The following SNX29 variants were observed in gnomAD, a reference collection of about 807,000 sequenced individuals.
SNX29 encodes sorting nexin 29.
Under a neutral mutation model 102.1 loss-of-function variants are expected in SNX29, and 78 were observed. That is an observed-to-expected ratio of 0.76 (90% CI 0.64 to 0.92). SNX29 has a LOEUF of 0.92. Among genes scored for constraint, SNX29 ranks in the 40% least tolerant of loss-of-function variants. SNX29 has a pLI of 0.00. For synonymous variants in SNX29, 580 were observed against 414.5 expected (o/e 1.40, Z -4.85); for missense variants, 1,280 against 1,061.7 (o/e 1.21, Z -2.86).
intron 15 of SNX29, among the ~76,000 whole-genome samples, chr16:12,288,715 G>A (rs2079690454): frequency 6.6e-6 from 1 of 151,452 alleles, no homozygotes; most frequent in Admixed American, 6.6e-5. Flanking sequence ...GAAGGTAATA[G>A]CAGTTAGTGC....
At chr16:12,208,291 T>C (rs1024732826) in intron 14 of SNX29, among the ~76,000 whole-genome samples, 1 of 152,092 alleles carries the variant, frequency 6.6e-6, no homozygotes, top group Non-Finnish European at 1.5e-5. Context: ...GAGCATTGAG[T>C]TTTGGTGGCT....
intron 16 of SNX29, among the ~76,000 whole-genome samples, chr16:12,392,025 T>C (rs2083548060): frequency 6.6e-6 from 1 of 152,228 alleles, no homozygotes; most frequent in Admixed American, 6.5e-5. Context: ...CACCCATGGC[T>C]AGCAGGTTCT....
At chr16:12,270,478 C>T (rs890990434) in intron 14 of SNX29, among the ~76,000 whole-genome samples, 1 of 152,176 alleles carries the variant, frequency 6.6e-6, no homozygotes, top group Non-Finnish European at 1.5e-5. Flanking sequence ...AAAGTAAATC[C>T]GATGTTGTGC....
At chr16:12,076,636 A>T (rs998443571) in intron 10 of SNX29, among the ~76,000 whole-genome samples, 6 of 152,170 alleles carry the variant, frequency 3.9e-5, no homozygotes, top group African/African-American at 1.4e-4. Context: ...TGGGTGACAA[A>T]GCGAGACCCT....
At chr16:12,223,416 C>T (rs1291193867) in intron 14 of SNX29, among the ~76,000 whole-genome samples, 1 of 152,120 alleles carries the variant, frequency 6.6e-6, no homozygotes, top group African/African-American at 2.4e-5. Flanking sequence ...AATCCCAGCA[C>T]TTTGGGAGGC....
intron 13 of SNX29, among the ~76,000 whole-genome samples, chr16:12,194,926 C>T (rs1348002052): frequency 6.6e-6 from 1 of 152,112 alleles, no homozygotes; most frequent in Non-Finnish European, 1.5e-5. Context: ...TGCATCTGGC[C>T]TGGGGGTATT....
intron 16 of SNX29, among the ~76,000 whole-genome samples, chr16:12,369,416 G>A (rs531736889): frequency 4.6e-5 from 7 of 152,254 alleles, no homozygotes; most frequent in East Asian, 3.9e-4. Context: ...GATTACAGGC[G>A]TGAGCCACCG....
At chr16:12,182,917 G>C (rs1271006847) in intron 13 of SNX29, among the ~76,000 whole-genome samples, 1 of 132,460 alleles carries the variant, frequency 7.5e-6, no homozygotes, top group African/African-American at 2.9e-5. Flanking sequence ...CTGGACGACA[G>C]AGCGAGACTC....
At chr16:12,461,978 A>ATAATATAT (rs869301507) in intron 18 of SNX29, among the ~76,000 whole-genome samples, 2 of 27,352 alleles carry the variant, frequency 7.3e-5, no homozygotes, top group East Asian at 2.1e-3. Flanking sequence ...AAAAAAAAAA[A>ATAATATAT]ATATATATAT....
intron 15 of SNX29, among the ~76,000 whole-genome samples, chr16:12,291,463 G>C (rs113680522): frequency 6.6e-6 from 1 of 152,132 alleles, no homozygotes; most frequent in East Asian, 1.9e-4. Context: ...TCTCTCCCAC[G>C]ACACGTGGGA....
intron 20 of SNX29, among the ~76,000 whole-genome samples, chr16:12,558,719 C>T (rs1380683258): frequency 6.6e-6 from 1 of 152,166 alleles, no homozygotes; most frequent in East Asian, 1.9e-4. Flanking sequence ...CTACGGGGGG[C>T]TGCACAAGCC....
Position 12,570,473 on chromosome 16 carries a change from C to G in SNX29, c.*1844C>G, listed in dbSNP as rs978874432. ...CTGAGGCAGGAAACGTCTAAAAGCT[C>G]AATCTGCTGTATGTCATGACCCCTT... On this transcript the variant is annotated 3_prime_UTR_variant, in exon 21 of 21. Transcript: ENST00000566228. The G allele has an allele frequency of 4.3e-6, 1 of 234,344 alleles. No individual in the cohort carries two copies. Among genetic ancestry groups the G allele is most frequent in the Non-Finnish European group, 8.4e-6 (1 of 119,158 alleles). The allele number at this position is 234,344 out of a possible 1,614,324, so 14.5% of individuals were successfully genotyped here.
chr16:12,543,753 G>C (rs2077453471), intron 20 of SNX29, among the ~76,000 whole-genome samples: 2 of 152,234 alleles, frequency 1.3e-5, no homozygotes, highest in South Asian at 2.1e-4. Flanking sequence ...GACTGGGGGA[G>C]ATTTTCCAAG....
intron 20 of SNX29, among the ~76,000 whole-genome samples, chr16:12,526,327 C>T (rs544844281): frequency 1.3e-5 from 2 of 152,180 alleles, no homozygotes; most frequent in African/African-American, 4.8e-5. Flanking sequence ...GTGTGCCCAG[C>T]GGTACCATCC....
intron 13 of SNX29, among the ~76,000 whole-genome samples, chr16:12,189,196 C>T (rs1226126196): frequency 6.6e-6 from 1 of 152,174 alleles, no homozygotes; most frequent in Non-Finnish European, 1.5e-5. Flanking sequence ...AACAATATAA[C>T]AATCAGAATT....
intron 18 of SNX29, among the ~76,000 whole-genome samples, chr16:12,413,562 C>T (rs890913582): frequency 7.6e-6 from 1 of 132,048 alleles, no homozygotes; most frequent in East Asian, 2.2e-4. Flanking sequence ...AGGAGTGGCT[C>T]TGTGAGAAGT....
At chr16:12,405,177 C>G (rs948660113) in intron 18 of SNX29, among the ~76,000 whole-genome samples, 2 of 152,220 alleles carry the variant, frequency 1.3e-5, no homozygotes, top group Admixed American at 6.5e-5. Context: ...GAAAAAAGTA[C>G]AGCAGACAGC....
intron 11 of SNX29, among the ~76,000 whole-genome samples, chr16:12,082,333 T>C (rs186013000): frequency 1.3e-5 from 2 of 152,292 alleles, no homozygotes; most frequent in East Asian, 3.9e-4. Context: ...CAAGAGTTCC[T>C]GCGGCCGGGG....
rs185567275 is a variant in SNX29 at position 12,553,919 on chromosome 16, C to T, written c.2319-14587C>T. On this transcript the variant is annotated intron_variant, in intron 20 of 20. Transcript: ENST00000566228. ...AGTGCAGTGGCATGATCTCCGCCTCCTGGGTTCAAGCAATTCTCCTGCCTC... is the reference window on the plus strand; with the variant it reads ...AGTGCAGTGGCATGATCTCCGCCTCTTGGGTTCAAGCAATTCTCCTGCCTC... 2.7e-3 allele frequency among the ~76,000 whole-genome samples: 418 copies of T among 152,288 alleles called. 4 individuals are homozygous for T. Among genetic ancestry groups the T allele is most frequent in the African/African-American group, 9.6e-3 (399 of 41,560 alleles).
Sources: allele counts gnomAD v4.1 joint callset (sites outside exome capture counted in the v4.1 genomes callset), GRCh38; gene constraint gnomAD v4.1.1; transcripts MANE v1.5; gene names NCBI Gene and HGNC (gene_info 2026-07-23, HGNC 2026-07-21).